Variants in SYTL3 observed in about 807,000 individuals in gnomAD.
SYTL3 encodes synaptotagmin like 3.
A neutral mutation model predicts 82.1 loss-of-function variants in SYTL3; 88 were observed. That is an observed-to-expected ratio of 1.07 (90% confidence interval 0.90 to 1.28). The LOEUF is 1.28. SYTL3 is among the 50% of genes most tolerant of loss of function. SYTL3 has a pLI of 0.00. For synonymous variants in SYTL3, 311 were observed against 289.4 expected (o/e 1.07, Z -0.76); for missense variants, 831 against 757.6 (o/e 1.10, Z -1.14).
Position 158,663,035 on chromosome 6 carries a change from C to A in SYTL3, c.-234C>A. 4.8e-6 allele frequency: 2 copies of A among 418,152 alleles called. No homozygotes were observed. Among genetic ancestry groups the A allele is most frequent in the Non-Finnish European group, 4.3e-6 (1 of 232,962 alleles). The allele number at this position is 418,152 out of a possible 1,614,324, so 25.9% of individuals were successfully genotyped here. Reference sequence around the variant, plus strand: ...ACCCCCCGGGTAGCACGAGGCTCTGCGAGCCGTAACTCCGACAAACGCAGA... The same window carrying A: ...ACCCCCCGGGTAGCACGAGGCTCTGAGAGCCGTAACTCCGACAAACGCAGA... On this transcript the variant is annotated 5_prime_UTR_variant, in exon 4 of 18. Coordinates refer to ENST00000611299, the MANE Select transcript of SYTL3 (RefSeq NM_001242394.2).
rs945817417 is a variant in SYTL3 at position 158,701,914 on chromosome 6, C to T, written c.395-5316C>T. On this transcript the variant is annotated intron_variant, in intron 6 of 17. Transcript: ENST00000611299. ...ACCCCAGTCTCTGCCCTGATGGTCA[C>T]GGGGCTGTCTCCACATTGTCTCCCC... Among the ~76,000 whole-genome samples the T allele has an allele frequency of 1.1e-3, 172 of 152,042 alleles. 1 individual carries two copies. Among genetic ancestry groups the T allele is most frequent in the South Asian group, 1.7e-3 (8 of 4,820 alleles).
intron 11 of SYTL3, among the ~76,000 whole-genome samples, chr6:158,731,157 G>A (rs1048608664): frequency 5.9e-5 from 9 of 151,774 alleles, no homozygotes; most frequent in African/African-American, 1.5e-4. Flanking sequence ...GGTGGCGGGC[G>A]CCTGTAATCC....
Position 158,725,635 on chromosome 6 carries a change from C to T in SYTL3, c.853C>T (p.His285Tyr), listed in dbSNP as rs758114505. Residue 285 changes from histidine (H) to tyrosine (Y), a missense_variant and splice_region_variant, in exon 11 of 18, where the codon CAC (histidine) becomes TAC (tyrosine). Coordinates refer to ENST00000611299, the MANE Select transcript of SYTL3 (RefSeq NM_001242394.2). ...PSTIFSGGFRHGSLISIDSTC... is the reference protein window; with the variant it reads ...PSTIFSGGFRYGSLISIDSTC... Reference sequence around the variant, plus strand: ...TACCATATTCTCTGGAGGTTTTAGACACGTGAGTCTCATTCCAATGCTCTT... The same window carrying T: ...TACCATATTCTCTGGAGGTTTTAGATACGTGAGTCTCATTCCAATGCTCTT... 5 of 1,613,472 alleles carry T rather than the reference C, an allele frequency of 3.1e-6. No homozygotes were observed. In the South Asian group the frequency reaches 4.4e-5, roughly 14 times the overall value.
chr6:158,664,938 T>C (rs1789844464), intron 4 of SYTL3, among the ~76,000 whole-genome samples: 1 of 152,160 alleles, frequency 6.6e-6, no homozygotes, highest in East Asian at 1.9e-4. Flanking sequence ...ATAGCATCAG[T>C]TGATTTTATT....
chr6:158,700,666 G>A lies in SYTL3; in HGVS notation c.395-6564G>A, dbSNP rs146269175. Among the ~76,000 whole-genome samples the A allele has an allele frequency of 1.5e-3, 227 of 152,264 alleles. 3 individuals are homozygous for A. The East Asian group carries it at 0.03, about 20-fold the overall frequency. ...GAGTCTTGCTCTGTCGCCCAGGCTG[G>A]AGTGCAGTGGAGCGATCTTGGCTCA... On this transcript the variant is annotated intron_variant, in intron 6 of 17. Transcript: ENST00000611299.
At chr6:158,718,007 A>G in intron 9 of SYTL3, 80 bp from the exon 10 acceptor site, 1 of 1,365,930 alleles carries the variant, frequency 7.3e-7, no homozygotes, top group South Asian at 1.7e-5. Flanking sequence ...CTGTGGGTTC[A>G]GTGAACCCCA....
intron 12 of SYTL3, among the ~76,000 whole-genome samples, chr6:158,749,529 T>TTTTTTTTTTTTTA: frequency 7.0e-6 from 1 of 142,028 alleles, no homozygotes; most frequent in African/African-American, 2.6e-5. Flanking sequence ...TTTTTTTTTT[T>TTTTTTTTTTTTTA]TTTAAGAAAT....
chr6:158,735,095 T>C (rs1276760133), intron 11 of SYTL3, among the ~76,000 whole-genome samples: 1 of 152,132 alleles, frequency 6.6e-6, no homozygotes, highest in Non-Finnish European at 1.5e-5. Context: ...TCCTGACCCA[T>C]GCTGCCTGGT....
At chr6:158,663,477 C>T (rs1395502276) in intron 4 of SYTL3, 99 bp downstream of exon 4, 1 of 1,520,762 alleles carries the variant, frequency 6.6e-7, no homozygotes, top group African/African-American at 1.4e-5. Flanking sequence ...AAATCACTAC[C>T]CACCTGCTGC....
intron 6 of SYTL3, among the ~76,000 whole-genome samples, chr6:158,692,085 G>C (rs533059028): frequency 5.4e-5 from 8 of 147,138 alleles, no homozygotes; most frequent in Admixed American, 5.4e-4. Flanking sequence ...GTGAAACCCC[G>C]TCTCTACTAA....
intron 5 of SYTL3, among the ~76,000 whole-genome samples, chr6:158,677,291 C>G (rs956297223): frequency 6.6e-6 from 1 of 151,648 alleles, no homozygotes; most frequent in African/African-American, 2.4e-5. Flanking sequence ...TCATTCTCAG[C>G]AAACTATCTC....
intron 9 of SYTL3, among the ~76,000 whole-genome samples, chr6:158,715,599 T>TCACA (rs72372107): frequency 0.026 from 3,055 of 116,492 alleles, 153 homozygotes; most frequent in African/African-American, 0.1. Context: ...TGAAACCGCA[T>TCACA]CACACACACA....
chr6:158,709,677 C>T (rs1286163591), intron 8 of SYTL3, among the ~76,000 whole-genome samples: 1 of 152,130 alleles, frequency 6.6e-6, no homozygotes, highest in Non-Finnish European at 1.5e-5. Context: ...GGGAGCTGAT[C>T]ATAATCCCAG....
intron 10 of SYTL3, among the ~76,000 whole-genome samples, chr6:158,721,424 T>C (rs568438176): frequency 6.6e-6 from 1 of 152,244 alleles, no homozygotes; most frequent in East Asian, 1.9e-4. Context: ...TTGCCCAGGC[T>C]GGTCTCAAAC....
chr6:158,713,261 T>G (rs1782961695), intron 8 of SYTL3, among the ~76,000 whole-genome samples: 1 of 152,120 alleles, frequency 6.6e-6, no homozygotes. Context: ...GATGAATGAA[T>G]GAGACTTGGA....
intron 17 of SYTL3, 54 bp from the exon 18 acceptor site, chr6:158,764,441 G>A (rs1583538646): frequency 7.6e-7 from 1 of 1,318,480 alleles, no homozygotes; most frequent in Non-Finnish European, 1.1e-6. Context: ...GGGATGAGAG[G>A]GGATGAAGTG....
intron 5 of SYTL3, among the ~76,000 whole-genome samples, chr6:158,682,560 C>T (rs1018722101): frequency 2.6e-5 from 4 of 151,714 alleles, no homozygotes; most frequent in Admixed American, 2.6e-4. Flanking sequence ...GGGGTTTCAC[C>T]GTGTTAGCCA....
At chr6:158,726,692 C>A in intron 11 of SYTL3, 1 of 281,932 alleles carries the variant, frequency 3.5e-6, no homozygotes, top group South Asian at 5.1e-5. Context: ...AGCCTTCGTT[C>A]ATTCAGCACT....
intron 8 of SYTL3, among the ~76,000 whole-genome samples, chr6:158,713,156 A>G (rs1195051631): frequency 6.6e-6 from 1 of 151,972 alleles, no homozygotes; most frequent in Admixed American, 6.5e-5. Context: ...TCCAGTACCT[A>G]CGTGCTCATG....
Sources: gnomAD v4.1 joint callset for allele counts (sites outside exome capture counted in the v4.1 genomes callset) on GRCh38, gnomAD v4.1.1 for gene constraint, MANE v1.5 for transcripts, NCBI Gene and HGNC (gene_info 2026-07-23, HGNC 2026-07-21) for gene names.